The following TINF2 variants were observed in gnomAD, a reference collection of about 807,000 sequenced individuals.
TINF2 encodes TERF1-interacting nuclear factor 2.
Under a neutral mutation model 50.4 loss-of-function variants are expected in TINF2, and 27 were observed. That is an observed-to-expected ratio of 0.54 (90% CI 0.40 to 0.74). The LOEUF (loss-of-function observed/expected upper bound fraction) is 0.74, where lower values mean the gene tolerates loss of function less well. Ranked by LOEUF, TINF2 falls within the 30% of genes least tolerant of loss-of-function variation. The probability of loss-of-function intolerance (pLI) is 0.00; values close to 1 mark genes in which losing one functional copy is unlikely to be tolerated. For missense variants in TINF2, 496 were observed against 551.5 expected, an observed-to-expected ratio of 0.90 and a Z score of 1.01; for synonymous variants, 223 against 214.6, an observed-to-expected ratio of 1.04 and a Z score of -0.34.
At position 24,242,214 on chromosome 14, in the gene TINF2, G is replaced by A. The variant is rs1566369552; in HGVS notation, c.119C>T (p.Ser40Phe). Residue 40 changes from serine to phenylalanine, a missense_variant, in exon 1 of 9, where the codon TCT becomes TTT. Ser to Phe is a radical substitution (Grantham distance 155). Coordinates refer to ENST00000267415, the MANE Select transcript of TINF2 (RefSeq NM_001099274.3). ...CAAGCCAGGGGCAACAGCGCGCAGA[G>A]ATCGCAGAAACTCCAGTACTCGCGG... Reference protein sequence around the residue: ...HFPRVLEFLRSLRAVAPGLVR... With the variant: ...HFPRVLEFLRFLRAVAPGLVR... 1 of 1,614,274 alleles carries A rather than the reference G, an allele frequency of 6.2e-7. No homozygotes were observed. The highest frequency in any genetic ancestry group is 1.7e-5 in the Admixed American group (1 of 60,038).
rs374231455 is a variant in TINF2 at position 24,242,270 on chromosome 14, C to A, written c.63G>T (p.Gln21His). ...ALRFAAAASW[Q>H]VVRGRCVEHF... ...GTTCCACGCAGCGTCCGCGCACAAC[C>A]TGCCAGCTAGCCGCGGCGGCGAAGC... Residue 21 changes from glutamine to histidine, a missense_variant, in exon 1 of 9, where the codon CAG becomes CAT. Transcript: ENST00000267415. 2 of 1,614,134 alleles carry A rather than the reference C, an allele frequency of 1.2e-6. No homozygotes were observed. The highest frequency in any genetic ancestry group is 2.7e-5 in the African/African-American group (2 of 75,074).
At position 24,242,197 on chromosome 14, in the gene TINF2, G is replaced by A. The variant is rs1287086200; in HGVS notation, c.136C>T (p.Pro46Ser). The A allele has an allele frequency of 6.2e-7, 1 of 1,614,128 alleles. No individual in the cohort carries two copies. The highest frequency in any genetic ancestry group is 1.3e-5 in the African/African-American group (1 of 74,942). ...EFLRSLRAVA[P>S]GLVRYRHHER... ...TGGTGCCGGTAGCGAACCAAGCCAG[G>A]GGCAACAGCGCGCAGAGATCGCAGA... The change falls in exon 1 of 9, where the codon CCT becomes TCT. Residue 46 changes from proline (P) to serine (S), a missense_variant. Pro to Ser is a moderately conservative substitution (Grantham distance 74). Around this residue, in one of 3 missense-constraint regions of TINF2, gnomAD observed 314 missense variants for 343.8 expected, o/e 0.91. Coordinates refer to ENST00000267415, the MANE Select transcript of TINF2 (RefSeq NM_001099274.3).
chr14:24,242,636 G>C (rs1458315646), upstream of TINF2: 1 of 1,232,216 alleles, frequency 8.1e-7, no homozygotes, highest in African/African-American at 1.5e-5. Context: ...TTCCGGCTCC[G>C]CTACTAGCTT....
In TINF2 at chr14:24,239,949, G is replaced by A; in HGVS notation, c.1222-18C>T. 1.2e-6 allele frequency: 2 copies of A among 1,614,188 alleles called. No homozygotes were observed. Among genetic ancestry groups the A allele is most frequent in the South Asian group, 2.2e-5 (2 of 91,076 alleles). On this transcript the variant is annotated intron_variant, in intron 8 of 8. Coordinates refer to ENST00000267415, the MANE Select transcript of TINF2 (RefSeq NM_001099274.3). Reference sequence around the variant, plus strand: ...AGAGATTCCTGTAGAGAAGGGAGCAGGGAGAGCCTACTATCCGAAACCATT... The same window carrying A: ...AGAGATTCCTGTAGAGAAGGGAGCAAGGAGAGCCTACTATCCGAAACCATT...
rs2139001098 is a variant in TINF2 at position 24,241,278 on chromosome 14, C to T, written c.433G>A (p.Ala145Thr). 1 of 1,614,180 alleles carries T rather than the reference C, an allele frequency of 6.2e-7. No individual in the cohort carries two copies. Among genetic ancestry groups the T allele is most frequent in the Non-Finnish European group, 8.5e-7 (1 of 1,180,044 alleles). Residue 145 changes from alanine (A) to threonine (T), a missense_variant, in exon 4 of 9, where the codon GCT (alanine) becomes ACT (threonine). Ala to Thr is a moderately conservative substitution (Grantham distance 58). Around this residue, in one of 3 missense-constraint regions of TINF2, gnomAD observed 314 missense variants for 343.8 expected, o/e 0.91. Transcript: ENST00000267415. ...TCAAAAAGCAGCTTTTCCATGGCAG[C>T]CAGAAAGGGTTCCCCATACTCTTGT... ...LEQEYGEPFL[A>T]AMEKLLFEYL...
chr14:24,242,260 C>G lies in TINF2; in HGVS notation c.73G>C (p.Gly25Arg), dbSNP rs766671951. Residue 25 changes from glycine (G) to arginine (R), a missense_variant, in exon 1 of 9, where the codon GGA becomes CGA. Coordinates refer to ENST00000267415, the MANE Select transcript of TINF2 (RefSeq NM_001099274.3). ...CGCGGAAAATGTTCCACGCAGCGTC[C>G]GCGCACAACCTGCCAGCTAGCCGCG... The part of the protein sequence containing the change: ...AAAASWQVVR[G>R]RCVEHFPRVL... 3.1e-6 allele frequency: 5 copies of G among 1,614,068 alleles called. No homozygotes were observed. The Admixed American group carries it at 5.0e-5, about 16-fold the overall frequency.
rs1372942831 is a variant in TINF2, at chr14:24,240,433, G to A, written c.1047C>T (p.Ala349=). The A allele has an allele frequency of 1.2e-6, 2 of 1,614,152 alleles. No homozygotes were observed. The highest frequency in any genetic ancestry group is 1.7e-5 in the Admixed American group (1 of 60,028). The part of the protein sequence containing the change: ...ALKENPVDLP[A]TEQKENCLDC... The stretch of plus-strand genomic sequence containing the variant: ...GTTCCACTCACTCCTTTTGCTCTGT[G>A]GCAGGCAAGTCAACTGGGTTCTCCT... The change falls in exon 6 of 9, where the codon GCC becomes GCT. Residue 349 remains alanine (A), a synonymous_variant. Coordinates refer to ENST00000267415, the MANE Select transcript of TINF2 (RefSeq NM_001099274.3).
chr14:24,242,062 C>T (rs1594555495), intron 1 of TINF2, 68 bp from the exon 2 acceptor site: 31 of 1,614,036 alleles, frequency 1.9e-5, no homozygotes, highest in Non-Finnish European at 2.5e-5. Context: ...GTCTCATCCC[C>T]AAGCTGTGGG....
At position 24,241,863 on chromosome 14, in the gene TINF2, T is replaced by A. The variant is rs770757511; in HGVS notation, c.297+27A>T. 1.9e-6 allele frequency: 3 copies of A among 1,613,936 alleles called. No individual in the cohort carries two copies. In the South Asian group the frequency reaches 3.3e-5, roughly 18 times the overall value. Reference sequence around the variant, plus strand: ...TTTGCTGCACCAAGTGTAACTGGGGTCAGGGCTTGTTCCGGGGATTACTCA... The same window carrying A: ...TTTGCTGCACCAAGTGTAACTGGGGACAGGGCTTGTTCCGGGGATTACTCA... On this transcript the variant is annotated intron_variant, in intron 2 of 8. Transcript: ENST00000267415.
In TINF2 at chr14:24,241,135, GTA is replaced by G. The variant is rs1566368116; in HGVS notation, c.508-21_508-20del. ...CCTGAAGCTGTGGGCAGGGACAGAG[GTA>G]TGAAGACCACAATCCTTGAAACAGC... On this transcript the variant is annotated intron_variant, in intron 4 of 8. Coordinates refer to ENST00000267415, the MANE Select transcript of TINF2 (RefSeq NM_001099274.3). 2 of 1,614,132 alleles carry G rather than the reference GTA, an allele frequency of 1.2e-6. No individual in the cohort carries two copies. Among genetic ancestry groups the G allele is most frequent in the Non-Finnish European group, 1.7e-6 (2 of 1,179,994 alleles).
intron 1 of TINF2, 62 bp from the exon 2 acceptor site, chr14:24,242,056 C>T (rs1486434513): frequency 1.7e-5 from 28 of 1,613,942 alleles, no homozygotes; most frequent in South Asian, 5.5e-5. Context: ...CAACTAGTCT[C>T]ATCCCCAAGC....
chr14:24,241,330 G>A lies in TINF2; in HGVS notation c.400-19C>T. On this transcript the variant is annotated intron_variant, in intron 3 of 8. Transcript: ENST00000267415. ...CAAGTTCCTACAGCAGGGGAGATTAGGTCAAAAGTGGGTTAGTGGCCAGGC... is the reference window on the plus strand; with the variant it reads ...CAAGTTCCTACAGCAGGGGAGATTAAGTCAAAAGTGGGTTAGTGGCCAGGC... 1 of 1,613,352 alleles carries A rather than the reference G, an allele frequency of 6.2e-7. No individual in the cohort carries two copies. Among genetic ancestry groups the A allele is most frequent in the East Asian group, 2.2e-5 (1 of 44,886 alleles).
intron 5 of TINF2, 31 bp downstream of exon 5, chr14:24,240,989 G>A (rs2040565557): frequency 1.2e-6 from 2 of 1,614,004 alleles, no homozygotes; most frequent in Non-Finnish European, 1.7e-6. Context: ...AAGGTCTCAG[G>A]CTAAACACTA....
intron 3 of TINF2, 53 bp downstream of exon 3, chr14:24,241,622 A>G: frequency 1.3e-6 from 2 of 1,511,672 alleles, no homozygotes; most frequent in Non-Finnish European, 1.8e-6. Context: ...TCAAAAAAAA[A>G]AAAAAATGGG....
rs1049741154 is a variant in TINF2, at chr14:24,242,526, C to T, written c.-194G>A. 3.4e-5 allele frequency: 49 copies of T among 1,425,834 alleles called. No homozygotes were observed. The African/African-American group carries it at 5.2e-4, about 15-fold the overall frequency. The allele number at this position is 1,425,834 out of a possible 1,614,324, so 88.3% of individuals were successfully genotyped here. ...TTCTGGGGGAGGGGGTCTTCTGGCTCGGGCTGGAGGAGCCTGAGTGGAGAA... is the reference window on the plus strand; with the variant it reads ...TTCTGGGGGAGGGGGTCTTCTGGCTTGGGCTGGAGGAGCCTGAGTGGAGAA... On this transcript the variant is annotated 5_prime_UTR_variant, in exon 1 of 9. Transcript: ENST00000267415.
chr14:24,242,343 C>T lies in TINF2; in HGVS notation c.-11G>A. ...CAGGGGCGTAGCCATGGTCGGCGGG[C>T]TCCGCCCGGAGGCGGTCCCTCCGGG... On this transcript the variant is annotated 5_prime_UTR_variant, in exon 1 of 9. Coordinates refer to ENST00000267415, the MANE Select transcript of TINF2 (RefSeq NM_001099274.3). 6.2e-7 allele frequency: 1 copy of T among 1,610,078 alleles called. No homozygotes were observed. Among genetic ancestry groups the T allele is most frequent in the Non-Finnish European group, 8.5e-7 (1 of 1,178,594 alleles).
chr14:24,239,844 T>A lies in TINF2; in HGVS notation c.1309A>T (p.Ile437Leu), dbSNP rs777060713. 5 of 1,614,186 alleles carry A rather than the reference T, an allele frequency of 3.1e-6. No individual in the cohort carries two copies. The highest frequency in any genetic ancestry group is 2.2e-5 in the East Asian group (1 of 44,894). Residue 437 changes from isoleucine to leucine, a missense_variant, in exon 9 of 9, where the codon ATA (isoleucine) becomes TTA (leucine). By Grantham distance (5) the Ile-to-Leu change is conservative. This residue lies in a region of TINF2 where 179 missense variants were observed against 188.3 expected (regional missense o/e 0.95). Coordinates refer to ENST00000267415, the MANE Select transcript of TINF2 (RefSeq NM_001099274.3). ...CTACAGTCACAGGAAGAAACAGGTA[T>A]GGCACCGTGGCCAGAAGGGGGTAGG... ...EYLPPSGHGA[I>L]PVSSCDCRDS...
chr14:24,240,342 G>A lies in TINF2; in HGVS notation c.1062-12C>T, dbSNP rs2040543787. 6.2e-7 allele frequency: 1 copy of A among 1,614,008 alleles called. No individual in the cohort carries two copies. On this transcript the variant is annotated splice_polypyrimidine_tract_variant and intron_variant, in intron 6 of 8. Transcript: ENST00000267415. ...AATCCAAGCAATTCCTGAGGTGAGA[G>A]CAAGCAAAGAGGATAGGATGAAGGG...
In TINF2 at chr14:24,242,229, A is replaced by T; in HGVS notation, c.104T>A (p.Leu35Gln). 3 of 1,614,238 alleles carry T rather than the reference A, an allele frequency of 1.9e-6. No individual in the cohort carries two copies. Among genetic ancestry groups the T allele is most frequent in the Non-Finnish European group, 2.5e-6 (3 of 1,180,024 alleles). The part of the protein sequence containing the change: ...GRCVEHFPRV[L>Q]EFLRSLRAVA... The stretch of plus-strand genomic sequence containing the variant: ...AGCGCGCAGAGATCGCAGAAACTCC[A>T]GTACTCGCGGAAAATGTTCCACGCA... The change falls in exon 1 of 9, where the codon CTG (leucine) becomes CAG (glutamine). Residue 35 changes from leucine to glutamine, a missense_variant. Physicochemically the swap from Leu to Gln is moderately radical, Grantham distance 113 (BLOSUM62 -2). Around this residue, in one of 3 missense-constraint regions of TINF2, gnomAD observed 314 missense variants for 343.8 expected, o/e 0.91. Transcript: ENST00000267415.
Sources: gnomAD v4.1 joint callset for allele counts on GRCh38, gnomAD v4.1.1 for gene constraint, gnomAD v4.1.1 regional missense constraint, MANE v1.5 for transcripts, NCBI Gene and HGNC (gene_info 2026-07-23, HGNC 2026-07-21) for gene names.